ZSWIM5: variants seen among roughly 807,000 people sequenced by gnomAD.
The protein encoded by ZSWIM5 is zinc finger SWIM-type containing 5.
Under a neutral mutation model 119.6 loss-of-function variants are expected in ZSWIM5, and 55 were observed. That is an observed-to-expected ratio of 0.46 (90% confidence interval 0.37 to 0.58). The LOEUF (loss-of-function observed/expected upper bound fraction) is 0.58, where lower values mean the gene tolerates loss of function less well. ZSWIM5 is among the 20% of genes least tolerant of loss of function. The pLI is 0.00. For missense variants in ZSWIM5, 1,193 were observed against 1,512.8 expected, an observed-to-expected ratio of 0.79 and a Z score of 3.51; for synonymous variants, 537 against 606.9, an observed-to-expected ratio of 0.88 and a Z score of 1.69.
At chr1:45,133,192 G>C (rs1300852232) in intron 1 of ZSWIM5, among the ~76,000 whole-genome samples, 1 of 152,188 alleles carries the variant, frequency 6.6e-6, no homozygotes, top group Non-Finnish European at 1.5e-5. Flanking sequence ...TCGCCACACT[G>C]TCTGCCACAA....
intron 11 of ZSWIM5, among the ~76,000 whole-genome samples, chr1:45,023,867 C>G (rs997311314): frequency 1.3e-5 from 2 of 152,234 alleles, no homozygotes; most frequent in Non-Finnish European, 2.9e-5. Flanking sequence ...ACATCCTTGT[C>G]AGCATTTGGT....
At chr1:45,182,264 C>A (rs1004121848) in intron 1 of ZSWIM5, among the ~76,000 whole-genome samples, 1 of 151,996 alleles carries the variant, frequency 6.6e-6, no homozygotes, top group African/African-American at 2.4e-5. Context: ...ATTAGCCGGG[C>A]GCAGTGGCTG....
intron 1 of ZSWIM5, among the ~76,000 whole-genome samples, chr1:45,129,812 A>G (rs1030064073): frequency 6.6e-6 from 1 of 152,238 alleles, no homozygotes; most frequent in Non-Finnish European, 1.5e-5. Flanking sequence ...GTAAAGTTAT[A>G]AAAGTTTTAG....
At position 45,206,275 on chromosome 1, in the gene ZSWIM5, G is replaced by A. The variant is rs922064542; in HGVS notation, c.76C>T (p.Pro26Ser). The A allele has an allele frequency of 3.2e-6, 5 of 1,579,808 alleles. No homozygotes were observed. Among genetic ancestry groups the A allele is most frequent in the Admixed American group, 1.8e-5 (1 of 54,882 alleles). ...CGAGGGTGATGAGCCTGCGGGCTGG[G>A]CCACGAACACTGCCGCTTAGCCGGA... ...VSPAKRQCSW[P>S]SPQAHHPRGS... The change falls in exon 1 of 14, where the codon CCC (proline) becomes TCC (serine). Residue 26 changes from proline (P) to serine (S), a missense_variant. By Grantham distance (74) the Pro-to-Ser change is moderately conservative. Coordinates refer to ENST00000359600, the MANE Select transcript of ZSWIM5 (RefSeq NM_020883.2).
At chr1:45,189,516 G>A (rs945779124) in intron 1 of ZSWIM5, among the ~76,000 whole-genome samples, 1 of 152,114 alleles carries the variant, frequency 6.6e-6, no homozygotes, top group African/African-American at 2.4e-5. Context: ...AGCACTTTGG[G>A]AGGCCGAGGT....
At chr1:45,155,885 A>G (rs1645824318) in intron 1 of ZSWIM5, among the ~76,000 whole-genome samples, 1 of 152,122 alleles carries the variant, frequency 6.6e-6, no homozygotes, top group Non-Finnish European at 1.5e-5. Context: ...ACTTGGGGGG[A>G]AAGAGTGGGA....
chr1:45,109,329 A>G (rs1438572774), intron 1 of ZSWIM5, among the ~76,000 whole-genome samples: 4 of 152,224 alleles, frequency 2.6e-5, no homozygotes, highest in African/African-American at 9.6e-5. Flanking sequence ...CAGCAACTCT[A>G]GTGAATCAAA....
rs900410320 is a variant in ZSWIM5, at chr1:45,043,395, T to A, written c.1433A>T (p.Asp478Val). The part of the protein sequence containing the change: ...ALPQSAIHSP[D>V]SLSRPRRTVF... ...TGTTCGTCTTGGTCTGGATAAGGAG[T>A]CTGGAGAAAGAAGAACATGCAGCAG... is the stretch of plus-strand genomic sequence containing the variant. Residue 478 changes from aspartate (D) to valine (V), a missense_variant and splice_region_variant, in exon 6 of 14, where the codon GAC becomes GTC. This residue lies in a region of ZSWIM5 where 961 missense variants were observed against 1,290.0 expected (regional missense o/e 0.74). Coordinates refer to ENST00000359600, the MANE Select transcript of ZSWIM5 (RefSeq NM_020883.2). 8 of 1,613,642 alleles carry A rather than the reference T, an allele frequency of 5.0e-6. No homozygotes were observed. Among genetic ancestry groups the A allele is most frequent in the Non-Finnish European group, 6.8e-6 (8 of 1,179,806 alleles).
chr1:45,187,057 C>T (rs998933949), intron 1 of ZSWIM5, among the ~76,000 whole-genome samples: 3 of 152,086 alleles, frequency 2.0e-5, no homozygotes, highest in Admixed American at 1.3e-4. Flanking sequence ...TCGATACAAT[C>T]GCTTTCAAAA....
chr1:45,164,157 G>A (rs924380030), intron 1 of ZSWIM5, among the ~76,000 whole-genome samples: 2 of 152,138 alleles, frequency 1.3e-5, no homozygotes, highest in Non-Finnish European at 2.9e-5. Flanking sequence ...GAGAGTGGGG[G>A]CCAATATTCA....
chr1:45,150,662 C>T (rs893795810), intron 1 of ZSWIM5, among the ~76,000 whole-genome samples: 1 of 152,188 alleles, frequency 6.6e-6, no homozygotes, highest in African/African-American at 2.4e-5. Flanking sequence ...AGCACATTTA[C>T]ATTTCTACTA....
rs966379874 is a variant in ZSWIM5, at chr1:45,051,090, A to T, written c.1416T>A (p.Ser472Arg). The T allele has an allele frequency of 6.2e-7, 1 of 1,613,190 alleles. No homozygotes were observed. The highest frequency in any genetic ancestry group is 8.5e-7 in the Non-Finnish European group (1 of 1,179,836). Reference sequence around the variant, plus strand: ...TTGGCTCACCTGGGCTGTGAATGGCACTCTGGGGAAGTGCATTGGTGATGT... The same window carrying T: ...TTGGCTCACCTGGGCTGTGAATGGCTCTCTGGGGAAGTGCATTGGTGATGT... ...LPNITNALPQ[S>R]AIHSPDSLSR... Residue 472 changes from serine (S) to arginine (R), a missense_variant, in exon 5 of 14, where the codon AGT (serine) becomes AGA (arginine). Ser to Arg is a moderately radical substitution (Grantham distance 110, BLOSUM62 -1). This residue lies in a region of ZSWIM5 where 961 missense variants were observed against 1,290.0 expected (regional missense o/e 0.74). Transcript: ENST00000359600.
chr1:45,094,205 G>A (rs346686), intron 1 of ZSWIM5, among the ~76,000 whole-genome samples: 9,493 of 151,684 alleles, frequency 0.063, 342 homozygotes, highest in East Asian at 0.11. Flanking sequence ...ACAGGCACGC[G>A]CCACCACGCC....
At chr1:45,203,090 A>G (rs1646167505) in intron 1 of ZSWIM5, among the ~76,000 whole-genome samples, 1 of 151,978 alleles carries the variant, frequency 6.6e-6, no homozygotes, top group South Asian at 2.1e-4. Context: ...TGAAGAGACT[A>G]ATTTGCAATT....
intron 2 of ZSWIM5, among the ~76,000 whole-genome samples, chr1:45,078,993 A>G (rs1054987536): frequency 1.3e-5 from 2 of 152,210 alleles, no homozygotes; most frequent in African/African-American, 4.8e-5. Context: ...AAGAATCACA[A>G]AAGAAGTGAA....
chr1:45,039,685 T>TATTTA (rs1156346614), intron 7 of ZSWIM5, among the ~76,000 whole-genome samples: 20 of 152,064 alleles, frequency 1.3e-4, no homozygotes, highest in Middle Eastern at 3.4e-3. Context: ...GTGCCTGGCA[T>TATTTA]ATTTAATTTA....
intron 1 of ZSWIM5, among the ~76,000 whole-genome samples, chr1:45,134,200 G>A (rs975150667): frequency 3.0e-4 from 46 of 152,180 alleles, no homozygotes; most frequent in Non-Finnish European, 3.1e-4. Flanking sequence ...ATTACCTTGG[G>A]CAGTATGGCC....
chr1:45,179,498 C>T (rs1232971927), intron 1 of ZSWIM5, among the ~76,000 whole-genome samples: 1 of 152,120 alleles, frequency 6.6e-6, no homozygotes, highest in African/African-American at 2.4e-5. Flanking sequence ...GTACTATGCT[C>T]ACTACCTGGG....
chr1:45,036,023 ACT>A lies in ZSWIM5; in HGVS notation c.2155+14_2155+15del, dbSNP rs754316005. 3.1e-6 allele frequency: 5 copies of A among 1,608,662 alleles called. No homozygotes were observed. The highest frequency in any genetic ancestry group is 4.2e-6 in the Non-Finnish European group (5 of 1,176,736). ...TGGGCCAAAGACACCGTGACAAGAG[ACT>A]CTTTTCTACTTACCTTCCAGCAGTA... On this transcript the variant is annotated intron_variant, in intron 9 of 13. Transcript: ENST00000359600.
Sources: gnomAD v4.1 joint callset for allele counts (sites outside exome capture counted in the v4.1 genomes callset) on GRCh38, gnomAD v4.1.1 for gene constraint, gnomAD v4.1.1 regional missense constraint, MANE v1.5 for transcripts, NCBI Gene and HGNC (gene_info 2026-07-23, HGNC 2026-07-21) for gene names.